FHIT: variants seen among roughly 807,000 people sequenced by gnomAD.
The protein encoded by FHIT is bis(5'-adenosyl)-triphosphatase.
Under a neutral mutation model 17.9 loss-of-function variants are expected in FHIT, and 19 were observed. The observed-to-expected ratio is 1.06, with a 90% confidence interval of 0.74 to 1.56. The LOEUF (loss-of-function observed/expected upper bound fraction) is 1.56. Among genes scored for constraint, FHIT ranks in the 40% most tolerant of loss-of-function variants. FHIT has a pLI of 0.00. For missense variants in FHIT, 248 were observed against 189.2 expected (o/e 1.31, Z -1.82); for synonymous variants, 81 against 69.7 (o/e 1.16, Z -0.81).
At chr3:61,100,695 T>G (rs189634246) in intron 2 of FHIT, among the ~76,000 whole-genome samples, 1 of 152,354 alleles carries the variant, frequency 6.6e-6, no homozygotes, top group Non-Finnish European at 1.5e-5. Flanking sequence ...AAAGCATTTC[T>G]ATTTCTCCAC....
At chr3:60,089,631 C>A (rs942031948) in intron 5 of FHIT, among the ~76,000 whole-genome samples, 1 of 152,172 alleles carries the variant, frequency 6.6e-6, no homozygotes, top group African/African-American at 2.4e-5. Flanking sequence ...CACTGTCTTA[C>A]ACCATTAGCG....
At chr3:61,232,826 G>C (rs190827611) in intron 1 of FHIT, among the ~76,000 whole-genome samples, 14 of 152,198 alleles carry the variant, frequency 9.2e-5, no homozygotes, top group Admixed American at 7.8e-4. Context: ...CTGGACAGGA[G>C]AGCAGGTAAA....
At chr3:60,045,364 G>A (rs1701608940) in intron 5 of FHIT, among the ~76,000 whole-genome samples, 1 of 152,098 alleles carries the variant, frequency 6.6e-6, no homozygotes, top group South Asian at 2.1e-4. Context: ...GGAGGAGCAA[G>A]TCACTTCTTA....
intron 5 of FHIT, among the ~76,000 whole-genome samples, chr3:60,217,677 C>T (rs1374504007): frequency 6.6e-6 from 1 of 152,118 alleles, no homozygotes; most frequent in Non-Finnish European, 1.5e-5. Context: ...AGCCTGTCTT[C>T]CCCTCACTCA....
At chr3:59,994,850 C>A (rs565321822) in intron 7 of FHIT, among the ~76,000 whole-genome samples, 4 of 152,194 alleles carry the variant, frequency 2.6e-5, no homozygotes, top group Admixed American at 2.6e-4. Flanking sequence ...CTCCTTTCAC[C>A]TTGTCTATGC....
At chr3:59,986,686 T>G in intron 7 of FHIT, among the ~76,000 whole-genome samples, 1 of 20,702 alleles carries the variant, frequency 4.8e-5, no homozygotes. Context: ...ATTTACATAT[T>G]TAGTTTTATA....
chr3:59,871,148 C>A (rs1032134243), intron 8 of FHIT, among the ~76,000 whole-genome samples: 21 of 152,066 alleles, frequency 1.4e-4, no homozygotes, highest in Admixed American at 1.4e-3. Flanking sequence ...TTTTGAATGG[C>A]CTACTCCATA....
At chr3:60,060,196 A>C (rs1187188137) in intron 5 of FHIT, among the ~76,000 whole-genome samples, 2 of 151,622 alleles carry the variant, frequency 1.3e-5, no homozygotes, top group African/African-American at 2.4e-5. Flanking sequence ...AAAAAAAAAA[A>C]CCCAAATGTT....
intron 9 of FHIT, 45 bp downstream of exon 9, chr3:59,752,176 G>T: frequency 7.2e-7 from 1 of 1,388,176 alleles, no homozygotes; most frequent in Non-Finnish European, 1.0e-6. Context: ...CCTCTTTCCT[G>T]AGGCCCACGG....
At chr3:61,221,325 TC>T (rs1197952570) in intron 1 of FHIT, among the ~76,000 whole-genome samples, 1 of 152,198 alleles carries the variant, frequency 6.6e-6, no homozygotes, top group Non-Finnish European at 1.5e-5. Flanking sequence ...ATAGCACAGG[TC>T]CTCTCCCAAA....
chr3:61,105,217 G>C lies in FHIT; in HGVS notation c.-163-63118C>G, dbSNP rs150429258. Among the ~76,000 whole-genome samples, 135 of 150,466 alleles carry C rather than the reference G, an allele frequency of 9.0e-4. 2 individuals are homozygous for C. In the East Asian group the frequency reaches 0.022, roughly 25 times the overall value. On this transcript the variant is annotated intron_variant, in intron 2 of 9. Coordinates refer to ENST00000492590, the MANE Select transcript of FHIT (RefSeq NM_002012.4). ...GTGGGCTTATCTACCTTTAATCTTT[G>C]AGGTTGCTGACCTTTGGATGCTTTT...
At chr3:60,207,976 C>T (rs1703279258) in intron 5 of FHIT, among the ~76,000 whole-genome samples, 1 of 152,182 alleles carries the variant, frequency 6.6e-6, no homozygotes, top group Admixed American at 6.5e-5. Context: ...GAGCAAACTG[C>T]ATGAGACAAG....
At chr3:60,668,666 A>G (rs1266083015) in intron 4 of FHIT, among the ~76,000 whole-genome samples, 1 of 143,560 alleles carries the variant, frequency 7.0e-6, no homozygotes, top group Non-Finnish European at 1.5e-5. Context: ...GGTTCACGCC[A>G]TTCTCCTGCC....
At chr3:60,069,863 G>A (rs890443141) in intron 5 of FHIT, among the ~76,000 whole-genome samples, 1 of 152,046 alleles carries the variant, frequency 6.6e-6, no homozygotes, top group Admixed American at 6.6e-5. Flanking sequence ...CTAAGAGATG[G>A]GTGACTAAGA....
chr3:60,207,825 A>G (rs1008239962), intron 5 of FHIT, among the ~76,000 whole-genome samples: 2 of 152,208 alleles, frequency 1.3e-5, no homozygotes, highest in Non-Finnish European at 2.9e-5. Flanking sequence ...CTGGTTGGTA[A>G]GGACATGGTA....
intron 8 of FHIT, among the ~76,000 whole-genome samples, chr3:59,864,643 C>T (rs572758442): frequency 1.3e-5 from 2 of 151,716 alleles, no homozygotes; most frequent in East Asian, 1.9e-4. Flanking sequence ...CAGGTTAACA[C>T]GACTTGCAGT....
In FHIT at chr3:60,829,246, A is replaced by G. The variant is rs77680035; in HGVS notation, c.-110-7235T>C. On this transcript the variant is annotated intron_variant, in intron 3 of 9. Transcript: ENST00000492590. The stretch of plus-strand genomic sequence containing the variant: ...TACTACTATGTTTGAAAACCACACC[A>G]AAGTCAATATTTACTTTGTAACCAA... Among the ~76,000 whole-genome samples, 836 of 152,308 alleles carry G rather than the reference A, an allele frequency of 5.5e-3. 3 individuals are homozygous for G. The highest frequency in any genetic ancestry group is 8.6e-3 in the Non-Finnish European group (586 of 68,028).
intron 5 of FHIT, among the ~76,000 whole-genome samples, chr3:60,224,187 C>T (rs1049737405): frequency 6.6e-6 from 1 of 152,094 alleles, no homozygotes; most frequent in African/African-American, 2.4e-5. Context: ...ATTTTATCCC[C>T]CTTCCGCTAT....
chr3:60,085,486 G>C (rs1703457680), intron 5 of FHIT, among the ~76,000 whole-genome samples: 1 of 152,108 alleles, frequency 6.6e-6, no homozygotes, highest in Admixed American at 6.6e-5. Flanking sequence ...TTGCTTTCCT[G>C]ACAGTAGGGA....
Sources: allele counts gnomAD v4.1 joint callset (sites outside exome capture counted in the v4.1 genomes callset), GRCh38; gene constraint gnomAD v4.1.1; transcripts MANE v1.5; gene names NCBI Gene and HGNC (gene_info 2026-07-23, HGNC 2026-07-21).